Variants in GRM7 observed in about 807,000 individuals in gnomAD.
GRM7 encodes the protein metabotropic glutamate receptor 7.
Under a neutral mutation model 84.5 loss-of-function variants are expected in GRM7, and 35 were observed. The ratio of observed to expected loss-of-function variants is 0.41; its 90% CI spans 0.32 to 0.55. The LOEUF (loss-of-function observed/expected upper bound fraction) is 0.55, where lower values mean the gene tolerates loss of function less well. Among genes scored for constraint, GRM7 ranks in the 20% least tolerant of loss-of-function variants. The probability of loss-of-function intolerance (pLI) is 0.19; values close to 1 mark genes in which losing one functional copy is unlikely to be tolerated. For synonymous variants in GRM7, 487 were observed against 455.1 expected (o/e 1.07, Z -0.89); for missense variants, 1,003 against 1,194.6 (o/e 0.84, Z 2.36).
At chr3:6,999,213 C>T (rs545124162) in intron 1 of GRM7, among the ~76,000 whole-genome samples, 49 of 152,204 alleles carry the variant, frequency 3.2e-4, no homozygotes, top group Admixed American at 4.6e-4. Context: ...AGTTTCTTTG[C>T]GAAATCATAG....
At chr3:7,148,346 A>C (rs2125067822) in intron 2 of GRM7, among the ~76,000 whole-genome samples, 1 of 152,338 alleles carries the variant, frequency 6.6e-6, no homozygotes, top group African/African-American at 2.4e-5. Context: ...ATAGTAAGAT[A>C]AAGCTTAGAG....
At chr3:7,473,314 A>T (rs1022851592) in intron 7 of GRM7, among the ~76,000 whole-genome samples, 7 of 152,092 alleles carry the variant, frequency 4.6e-5, no homozygotes, top group East Asian at 1.9e-4. Flanking sequence ...CAAAAATTTT[A>T]AAAAAATAAA....
chr3:6,947,371 G>T (rs1042200520), intron 1 of GRM7, among the ~76,000 whole-genome samples: 45 of 152,020 alleles, frequency 3.0e-4, no homozygotes, highest in Non-Finnish European at 4.6e-4. Flanking sequence ...ATTTTCATAC[G>T]TTGAACCAGC....
At chr3:7,611,857 T>C (rs530869464) in intron 8 of GRM7, among the ~76,000 whole-genome samples, 1 of 152,144 alleles carries the variant, frequency 6.6e-6, no homozygotes, top group African/African-American at 2.4e-5. Context: ...AACATTGAAG[T>C]TAATTCATAG....
At chr3:7,430,666 G>A (rs919949057) in intron 5 of GRM7, among the ~76,000 whole-genome samples, 3 of 152,198 alleles carry the variant, frequency 2.0e-5, no homozygotes, top group African/African-American at 2.4e-5. Context: ...TGTTCACATC[G>A]GCTTATTCAT....
chr3:7,097,930 G>C (rs910251424), intron 1 of GRM7, among the ~76,000 whole-genome samples: 1 of 152,098 alleles, frequency 6.6e-6, no homozygotes. Flanking sequence ...TCGTTGAGGA[G>C]ATGAGTGTCT....
At chr3:7,494,398 ATTAGTT>A (rs1289623691) in intron 7 of GRM7, among the ~76,000 whole-genome samples, 1 of 152,124 alleles carries the variant, frequency 6.6e-6, no homozygotes, top group Non-Finnish European at 1.5e-5. Flanking sequence ...TACTTCCTTT[ATTAGTT>A]TTCAGAAGTT....
chr3:7,242,019 G>T (rs1056475646), intron 2 of GRM7, among the ~76,000 whole-genome samples: 28 of 152,218 alleles, frequency 1.8e-4, no homozygotes, highest in African/African-American at 6.7e-4. Context: ...AAATGGGATG[G>T]AAACAACATC....
At chr3:7,464,253 T>C (rs1454376285) in intron 7 of GRM7, among the ~76,000 whole-genome samples, 1 of 94,058 alleles carries the variant, frequency 1.1e-5, no homozygotes, top group Non-Finnish European at 2.8e-5. Flanking sequence ...GGGATACATA[T>C]GTAACGTGAG....
chr3:6,982,431 GC>G, intron 1 of GRM7, among the ~76,000 whole-genome samples: 1 of 152,264 alleles, frequency 6.6e-6, no homozygotes, highest in Non-Finnish European at 1.5e-5. Context: ...TTACAAAGGA[GC>G]CAGTGGGAAG....
intron 2 of GRM7, among the ~76,000 whole-genome samples, chr3:7,244,999 G>T (rs1697704987): frequency 6.6e-6 from 1 of 151,904 alleles, no homozygotes; most frequent in South Asian, 2.1e-4. Flanking sequence ...ATGACTAAAT[G>T]TAAATCTAGA....
intron 7 of GRM7, among the ~76,000 whole-genome samples, chr3:7,469,943 A>G (rs1001301471): frequency 2.0e-5 from 3 of 152,202 alleles, no homozygotes; most frequent in African/African-American, 7.2e-5. Context: ...AATATTTTAA[A>G]TGTCAGGAAA....
intron 1 of GRM7, among the ~76,000 whole-genome samples, chr3:7,015,143 A>AT (rs1695517579): frequency 1.6e-5 from 2 of 126,260 alleles, no homozygotes; most frequent in Non-Finnish European, 3.3e-5. Context: ...CCACCCCCCC[A>AT]TAAGCCAGCA....
intron 8 of GRM7, among the ~76,000 whole-genome samples, chr3:7,665,668 TTAAA>T (rs1186602728): frequency 9.5e-6 from 1 of 105,408 alleles, no homozygotes; most frequent in Non-Finnish European, 2.0e-5. Context: ...TACTCTTTCA[TTAAA>T]TAAGTTTTTA....
rs113145020 is a variant in GRM7, at chr3:7,141,024, A to G, written c.520-5428A>G. Among the ~76,000 whole-genome samples the G allele has an allele frequency of 1.7e-3, 259 of 152,188 alleles. 1 individual carries two copies. The highest frequency in any genetic ancestry group is 5.9e-3 in the African/African-American group (246 of 41,560). On this transcript the variant is annotated intron_variant, in intron 1 of 9. Coordinates refer to ENST00000357716, the MANE Select transcript of GRM7 (RefSeq NM_000844.4). ...AAGATAAGCTTCTTAATTTAACTAT[A>G]TATTTGTTTCAAGATAAGAAATTAG...
chr3:7,734,707 G>T (rs1702445476), intron 9 of GRM7, among the ~76,000 whole-genome samples: 1 of 152,202 alleles, frequency 6.6e-6, no homozygotes, highest in Non-Finnish European at 1.5e-5. Flanking sequence ...GATGGAGAAA[G>T]TCTCCATTGT....
At chr3:6,984,742 A>T (rs377724903) in intron 1 of GRM7, among the ~76,000 whole-genome samples, 2 of 152,098 alleles carry the variant, frequency 1.3e-5, no homozygotes, top group East Asian at 3.9e-4. Flanking sequence ...AGTTGCACTG[A>T]TACATCCAGT....
intron 1 of GRM7, among the ~76,000 whole-genome samples, chr3:6,951,245 C>T (rs1364253122): frequency 2.6e-5 from 4 of 152,140 alleles, no homozygotes; most frequent in African/African-American, 9.7e-5. Flanking sequence ...CAGCTTTGTG[C>T]CTGAATTATT....
chr3:7,069,935 A>G (rs1263227483), intron 1 of GRM7, among the ~76,000 whole-genome samples: 1 of 152,082 alleles, frequency 6.6e-6, no homozygotes, highest in Non-Finnish European at 1.5e-5. Flanking sequence ...ATAGAGTTGG[A>G]GGAGGAATAA....
Sources: gnomAD v4.1 joint callset for allele counts (sites outside exome capture counted in the v4.1 genomes callset) on GRCh38, gnomAD v4.1.1 for gene constraint, MANE v1.5 for transcripts, NCBI Gene and HGNC (gene_info 2026-07-23, HGNC 2026-07-21) for gene names.